Variants in RIT2 observed in about 807,000 individuals in gnomAD.
RIT2 encodes the protein GTP-binding protein Rit2.
RIT2 carries 24 observed loss-of-function variants against 23.7 expected under a neutral mutation model. That is an observed-to-expected ratio of 1.01 (90% confidence interval 0.73 to 1.43). The LOEUF (loss-of-function observed/expected upper bound fraction) is 1.43, where lower values mean the gene tolerates loss of function less well. RIT2 is among the 40% of genes most tolerant of loss of function. RIT2 has a pLI of 0.00. For synonymous variants in RIT2, 107 were observed against 91.1 expected (o/e 1.17, Z -0.99); for missense variants, 236 against 266.9 (o/e 0.88, Z 0.81).
chr18:43,096,330 T>C (rs1057443462), intron 1 of RIT2, among the ~76,000 whole-genome samples: 4 of 151,868 alleles, frequency 2.6e-5, no homozygotes, highest in Non-Finnish European at 2.9e-5. Flanking sequence ...GAAACTATCG[T>C]CTTCCTTGTC....
intron 1 of RIT2, among the ~76,000 whole-genome samples, chr18:43,058,296 G>A (rs1377143456): frequency 2.6e-5 from 4 of 152,104 alleles, no homozygotes; most frequent in East Asian, 1.9e-4. Flanking sequence ...ACTAGCATGA[G>A]AAGCCCAGGT....
chr18:42,762,069 C>T (rs1033976420), intron 4 of RIT2, among the ~76,000 whole-genome samples: 3 of 152,098 alleles, frequency 2.0e-5, no homozygotes, highest in Admixed American at 1.3e-4. Flanking sequence ...TGAGAGAATT[C>T]CAGGCCATTT....
chr18:42,765,050 G>T (rs1186383369), intron 4 of RIT2, among the ~76,000 whole-genome samples: 2 of 152,038 alleles, frequency 1.3e-5, no homozygotes, highest in Non-Finnish European at 2.9e-5. Context: ...TTCTCAATGG[G>T]GATTGGAATA....
intron 1 of RIT2, among the ~76,000 whole-genome samples, chr18:43,089,501 C>A (rs938571831): frequency 1.3e-5 from 2 of 151,228 alleles, no homozygotes. Context: ...ACCACTCTGC[C>A]CAAGACAATT....
intron 3 of RIT2, among the ~76,000 whole-genome samples, chr18:42,964,627 A>G (rs773990999): frequency 6.6e-6 from 1 of 152,144 alleles, no homozygotes; most frequent in African/African-American, 2.4e-5. Context: ...CTACTCCCAC[A>G]TACATAAAAA....
At chr18:42,839,919 A>G (rs1190634414) in intron 4 of RIT2, among the ~76,000 whole-genome samples, 1 of 152,198 alleles carries the variant, frequency 6.6e-6, no homozygotes, top group Admixed American at 6.5e-5. Flanking sequence ...TACAGAAACA[A>G]TCCAGGAAGC....
chr18:42,840,033 G>A (rs1055373704), intron 4 of RIT2, among the ~76,000 whole-genome samples: 1 of 152,164 alleles, frequency 6.6e-6, no homozygotes, highest in Non-Finnish European at 1.5e-5. Flanking sequence ...AACCAAAAAA[G>A]GTTGAATGTA....
In RIT2 at chr18:43,086,595, G is replaced by A. The variant is rs1408618778; in HGVS notation, c.103+28822C>T. Among the ~76,000 whole-genome samples the A allele has an allele frequency of 2.6e-5, 4 of 152,258 alleles. No individual in the cohort carries two copies. The East Asian group carries it at 5.8e-4, about 22-fold the overall frequency. ...TGCGGGATTCACATTTTAATATGAA[G>A]GCTGGGGATGAAGACCACATCTCTC... On this transcript the variant is annotated intron_variant, in intron 1 of 4. Transcript: ENST00000326695.
intron 2 of RIT2, among the ~76,000 whole-genome samples, chr18:42,985,590 A>AT (rs1037670824): frequency 3.9e-5 from 6 of 152,298 alleles, no homozygotes; most frequent in East Asian, 3.9e-4. Flanking sequence ...CTTATGAATC[A>AT]TTTTTTAATA....
At chr18:42,933,450 G>T (rs182344285) in intron 3 of RIT2, among the ~76,000 whole-genome samples, 1 of 152,024 alleles carries the variant, frequency 6.6e-6, no homozygotes, top group Non-Finnish European at 1.5e-5. Context: ...ATCTTAAATT[G>T]TAGTTCCCAT....
At chr18:43,065,889 A>C (rs1286724662) in intron 1 of RIT2, among the ~76,000 whole-genome samples, 1 of 152,184 alleles carries the variant, frequency 6.6e-6, no homozygotes, top group Non-Finnish European at 1.5e-5. Context: ...CAAAGCATGT[A>C]GTTGGGGTAG....
intron 1 of RIT2, among the ~76,000 whole-genome samples, chr18:43,094,957 A>G (rs1012877512): frequency 6.6e-6 from 1 of 152,016 alleles, no homozygotes; most frequent in African/African-American, 2.4e-5. Context: ...AATCCATTCT[A>G]TCATTGACAG....
At chr18:43,054,433 TAAAG>T (rs1014630177) in intron 1 of RIT2, among the ~76,000 whole-genome samples, 9 of 152,008 alleles carry the variant, frequency 5.9e-5, no homozygotes, top group African/African-American at 2.2e-4. Context: ...CATGTTTAAA[TAAAG>T]AAAGGACATA....
chr18:42,775,795 G>A (rs2143923145), intron 4 of RIT2, among the ~76,000 whole-genome samples: 1 of 151,912 alleles, frequency 6.6e-6, no homozygotes, highest in African/African-American at 2.4e-5. Context: ...ACCCATCTAT[G>A]GATTTCCTCT....
chr18:42,795,337 A>T (rs1240046004), intron 4 of RIT2, among the ~76,000 whole-genome samples: 1 of 152,046 alleles, frequency 6.6e-6, no homozygotes, highest in Non-Finnish European at 1.5e-5. Flanking sequence ...CAGACGGCCG[A>T]CCCTGCCAGC....
At chr18:42,951,305 T>C (rs919682177) in intron 3 of RIT2, among the ~76,000 whole-genome samples, 2 of 152,068 alleles carry the variant, frequency 1.3e-5, no homozygotes, top group Admixed American at 1.3e-4. Context: ...GAGGCCATTA[T>C]CCTAAGCAAA....
intron 1 of RIT2, among the ~76,000 whole-genome samples, chr18:43,110,605 G>T (rs966192997): frequency 6.6e-6 from 1 of 152,080 alleles, no homozygotes; most frequent in African/African-American, 2.4e-5. Flanking sequence ...TGAGTGGCGG[G>T]CAGTGGAACA....
At chr18:42,940,269 T>TATGC (rs1555648056) in intron 3 of RIT2, among the ~76,000 whole-genome samples, 1 of 137,990 alleles carries the variant, frequency 7.2e-6, no homozygotes, top group African/African-American at 2.7e-5. Flanking sequence ...TATATATATA[T>TATGC]GCACACACAC....
intron 4 of RIT2, among the ~76,000 whole-genome samples, chr18:42,755,507 A>G (rs1389395624): frequency 6.6e-6 from 1 of 151,974 alleles, no homozygotes; most frequent in African/African-American, 2.4e-5. Context: ...ACACATCCCC[A>G]CTAATGCCAT....
Sources: gnomAD v4.1 joint callset for allele counts (sites outside exome capture counted in the v4.1 genomes callset) on GRCh38, gnomAD v4.1.1 for gene constraint, MANE v1.5 for transcripts, NCBI Gene and HGNC (gene_info 2026-07-23, HGNC 2026-07-21) for gene names.